The following MACROD2 variants were observed in gnomAD, a reference collection of about 807,000 sequenced individuals.
The protein encoded by MACROD2 is ADP-ribose glycohydrolase MACROD2.
A neutral mutation model predicts 70.4 loss-of-function variants in MACROD2; 36 were observed. The observed-to-expected ratio is 0.51, with a 90% confidence interval of 0.39 to 0.68. MACROD2 has a LOEUF of 0.68. MACROD2 is among the 30% of genes least tolerant of loss of function. The pLI is 0.00. For synonymous variants in MACROD2, 172 were observed against 178.8 expected, an observed-to-expected ratio of 0.96 and a Z score of 0.30; for missense variants, 496 against 538.4, an observed-to-expected ratio of 0.92 and a Z score of 0.78.
chr20:15,267,144 A>T (rs1395883232), intron 6 of MACROD2, among the ~76,000 whole-genome samples: 1 of 152,118 alleles, frequency 6.6e-6, no homozygotes, highest in East Asian at 1.9e-4. Context: ...TTAAAAATCT[A>T]CCTGCAAAGC....
At chr20:16,002,543 T>C (rs1437443559) in intron 15 of MACROD2, among the ~76,000 whole-genome samples, 4 of 151,870 alleles carry the variant, frequency 2.6e-5, no homozygotes, top group Non-Finnish European at 5.9e-5. Context: ...AAGAGAGCGA[T>C]TGAGATTTGA....
At chr20:14,682,247 A>G (rs990122463) in intron 4 of MACROD2, among the ~76,000 whole-genome samples, 9 of 152,140 alleles carry the variant, frequency 5.9e-5, no homozygotes, top group African/African-American at 2.2e-4. Context: ...CTCTTTGCCA[A>G]GAAAACGTTT....
At chr20:15,273,866 G>T (rs1278235381) in intron 6 of MACROD2, among the ~76,000 whole-genome samples, 3 of 152,060 alleles carry the variant, frequency 2.0e-5, no homozygotes, top group East Asian at 1.9e-4. Flanking sequence ...CCTGAGCTTT[G>T]GTTTCTTTAT....
At chr20:15,163,751 A>G (rs114877268) in intron 5 of MACROD2, among the ~76,000 whole-genome samples, 113 of 152,116 alleles carry the variant, frequency 7.4e-4, no homozygotes, top group African/African-American at 2.6e-3. Flanking sequence ...AATGTATGAC[A>G]GAAACCACAT....
At position 14,606,494 on chromosome 20, in the gene MACROD2, A is replaced by G. The variant is rs186973051; in HGVS notation, c.302-78349A>G. Among the ~76,000 whole-genome samples the G allele has an allele frequency of 1.6e-4, 24 of 152,288 alleles. No individual in the cohort carries two copies. The East Asian group carries it at 4.2e-3, about 27-fold the overall frequency. On this transcript the variant is annotated intron_variant, in intron 4 of 17. Coordinates refer to ENST00000684519, the MANE Select transcript of MACROD2 (RefSeq NM_001351661.2). ...TAGTTCCATTGAAATTGTGATTACT[A>G]TTTTACCCTATTAAATTAAAACCCT...
chr20:15,918,345 A>T lies in MACROD2; in HGVS notation c.776-14931A>T, dbSNP rs191797812. Among the ~76,000 whole-genome samples the T allele has an allele frequency of 2.6e-5, 4 of 152,308 alleles. No individual in the cohort carries two copies. The East Asian group carries it at 7.7e-4, about 29-fold the overall frequency. On this transcript the variant is annotated intron_variant, in intron 10 of 17. Coordinates refer to ENST00000684519, the MANE Select transcript of MACROD2 (RefSeq NM_001351661.2). Reference sequence around the variant, plus strand: ...TTGTTGAAGAAATTATTTACTTGCCATTTATTTGAATGGTTCAAGTAGTAT... The same window carrying T: ...TTGTTGAAGAAATTATTTACTTGCCTTTTATTTGAATGGTTCAAGTAGTAT...
At chr20:14,772,568 A>G (rs1262499168) in intron 5 of MACROD2, among the ~76,000 whole-genome samples, 1 of 151,992 alleles carries the variant, frequency 6.6e-6, no homozygotes, top group Non-Finnish European at 1.5e-5. Flanking sequence ...AAAGCATGGG[A>G]AAGACCTGCC....
intron 8 of MACROD2, among the ~76,000 whole-genome samples, chr20:15,589,334 A>G (rs2048646639): frequency 6.6e-6 from 1 of 152,224 alleles, no homozygotes; most frequent in Admixed American, 6.5e-5. Context: ...AAACCATATC[A>G]AATATCAATA....
chr20:14,682,437 CACATTACATATATATATT>C (rs1364514359), intron 4 of MACROD2, among the ~76,000 whole-genome samples: 1 of 150,880 alleles, frequency 6.6e-6, no homozygotes, highest in Non-Finnish European at 1.5e-5. Flanking sequence ...TATATATATA[CACATTACATATATATATT>C]ACATTACATA....
chr20:14,007,197 C>CT (rs11484398), intron 2 of MACROD2, among the ~76,000 whole-genome samples: 26,666 of 152,040 alleles, frequency 0.18, 2,559 homozygotes, highest in Admixed American at 0.23. Context: ...TAAAGAGGAA[C>CT]TTTCTGTTAT....
chr20:14,398,820 C>T (rs2083607059), intron 3 of MACROD2, among the ~76,000 whole-genome samples: 1 of 152,112 alleles, frequency 6.6e-6, no homozygotes, highest in Admixed American at 6.6e-5. Flanking sequence ...ATTTCCAGTG[C>T]TCTCCATTCG....
intron 2 of MACROD2, among the ~76,000 whole-genome samples, chr20:14,065,242 TTGG>T (rs1275379932): frequency 6.6e-6 from 1 of 152,222 alleles, no homozygotes; most frequent in Non-Finnish European, 1.5e-5. Context: ...ATTCTCCCTC[TTGG>T]TGTTAGGACT....
intron 3 of MACROD2, among the ~76,000 whole-genome samples, chr20:14,416,468 T>C (rs1024412028): frequency 6.6e-6 from 1 of 152,228 alleles, no homozygotes; most frequent in Admixed American, 6.5e-5. Flanking sequence ...TTATATACAC[T>C]TATTATCATG....
intron 3 of MACROD2, among the ~76,000 whole-genome samples, chr20:14,095,198 G>T (rs910869834): frequency 2.6e-5 from 4 of 151,996 alleles, no homozygotes; most frequent in Admixed American, 1.3e-4. Flanking sequence ...CCACCGAAAT[G>T]ATTTGGATAC....
At chr20:14,014,236 C>A (rs141452268) in intron 2 of MACROD2, among the ~76,000 whole-genome samples, 10 of 145,020 alleles carry the variant, frequency 6.9e-5, no homozygotes, top group African/African-American at 1.5e-4. Context: ...CCCTCCCCCC[C>A]ACCCCCAATA....
chr20:14,294,881 C>T (rs1426611526), intron 3 of MACROD2, among the ~76,000 whole-genome samples: 1 of 151,424 alleles, frequency 6.6e-6, no homozygotes, highest in Non-Finnish European at 1.5e-5. Flanking sequence ...CCATACCTGG[C>T]AATTTTATTA....
chr20:14,983,361 T>A (rs1041723375), intron 5 of MACROD2, among the ~76,000 whole-genome samples: 4 of 151,966 alleles, frequency 2.6e-5, no homozygotes, highest in African/African-American at 9.7e-5. Context: ...AGGGAAGGCA[T>A]GATTGGTTTT....
At chr20:15,885,077 A>G (rs779640683) in intron 9 of MACROD2, among the ~76,000 whole-genome samples, 7 of 152,156 alleles carry the variant, frequency 4.6e-5, no homozygotes, top group Non-Finnish European at 1.0e-4. Context: ...GGATACAGAT[A>G]TTCAGAACAT....
chr20:15,428,518 A>G (rs1460088730), intron 6 of MACROD2, among the ~76,000 whole-genome samples: 1 of 152,184 alleles, frequency 6.6e-6, no homozygotes, highest in Non-Finnish European at 1.5e-5. Context: ...TGTCATTCTT[A>G]TCATCAAGGA....
Sources: gnomAD v4.1 joint callset for allele counts (sites outside exome capture counted in the v4.1 genomes callset) on GRCh38, gnomAD v4.1.1 for gene constraint, MANE v1.5 for transcripts, NCBI Gene and HGNC (gene_info 2026-07-23, HGNC 2026-07-21) for gene names.